The following ANKMY2 variants were observed in gnomAD, a reference collection of about 807,000 sequenced individuals.
The protein encoded by ANKMY2 is ankyrin repeat and MYND domain-containing protein 2.
Under a neutral mutation model 50.4 loss-of-function variants are expected in ANKMY2, and 36 were observed. The observed-to-expected ratio is 0.71, with a 90% CI of 0.55 to 0.94. ANKMY2 has a LOEUF of 0.94. Among genes scored for constraint, ANKMY2 ranks in the 40% least tolerant of loss-of-function variants. The pLI is 0.00. For synonymous variants in ANKMY2, 187 were observed against 178.8 expected (o/e 1.05, Z -0.36); for missense variants, 565 against 524.0 (o/e 1.08, Z -0.76).
intron 6 of ANKMY2, 98 bp from the exon 7 acceptor site, chr7:16,609,863 G>T: frequency 1.4e-6 from 2 of 1,404,922 alleles, no homozygotes; most frequent in Non-Finnish European, 1.9e-6. Context: ...TGTTACTTAT[G>T]ATTTTCTTTG....
At chr7:16,612,833 A>C (rs891494758) in intron 5 of ANKMY2, among the ~76,000 whole-genome samples, 3 of 152,224 alleles carry the variant, frequency 2.0e-5, no homozygotes, top group Non-Finnish European at 4.4e-5. Flanking sequence ...ATGAAGTAAT[A>C]TATTATAAAG....
intron 5 of ANKMY2, 106 bp from the exon 6 acceptor site, chr7:16,610,869 CT>C: frequency 1.1e-6 from 1 of 952,322 alleles, no homozygotes; most frequent in Non-Finnish European, 1.6e-6. Flanking sequence ...GAAAGCCTTC[CT>C]TAGGATCATG....
intron 5 of ANKMY2, among the ~76,000 whole-genome samples, chr7:16,614,330 A>G (rs1434729370): frequency 6.6e-6 from 1 of 152,210 alleles, no homozygotes; most frequent in Non-Finnish European, 1.5e-5. Flanking sequence ...TGCAGTTCAC[A>G]ACTGAATTTG....
At position 16,610,890 on chromosome 7, in the gene ANKMY2, T is replaced by C. The variant is rs1449214284; in HGVS notation, c.532-127A>G. ...CTTCCTTAGGATCATGAAGTTATTA[T>C]GTTATTTGTTAGAATGCAAATTACC... On this transcript the variant is annotated intron_variant, in intron 5 of 9. Coordinates refer to ENST00000306999, the MANE Select transcript of ANKMY2 (RefSeq NM_020319.3). 18 of 790,068 alleles carry C rather than the reference T, an allele frequency of 2.3e-5. No homozygotes were observed. In the South Asian group the frequency reaches 2.8e-4, roughly 12 times the overall value. The allele number at this position is 790,068 out of a possible 1,614,324, so 48.9% of individuals were successfully genotyped here.
chr7:16,645,468 C>T (rs375696024), intron 1 of ANKMY2, 39 bp downstream of exon 1: 2 of 1,576,688 alleles, frequency 1.3e-6, no homozygotes, highest in South Asian at 1.2e-5. Context: ...GCCCCCCGGC[C>T]AGGCTGGCCG....
At chr7:16,606,263 T>A (rs1047762390) in intron 7 of ANKMY2, among the ~76,000 whole-genome samples, 2 of 152,050 alleles carry the variant, frequency 1.3e-5, no homozygotes, top group African/African-American at 4.8e-5. Flanking sequence ...AAGCCCCGAC[T>A]CTACTGAAAA....
intron 8 of ANKMY2, among the ~76,000 whole-genome samples, chr7:16,603,151 G>A (rs1164951212): frequency 6.6e-6 from 1 of 152,148 alleles, no homozygotes; most frequent in East Asian, 1.9e-4. Flanking sequence ...AAAGACTTTA[G>A]CAAATAGCTT....
rs1781234564 is a variant in ANKMY2, at chr7:16,610,697, C to T, written c.598G>A (p.Val200Met). The T allele has an allele frequency of 1.9e-6, 3 of 1,613,840 alleles. No homozygotes were observed. The highest frequency in any genetic ancestry group is 1.7e-5 in the Admixed American group (1 of 60,006). ...CATTTCTCACAAATCAAATCCATCACTCTGTAGCATTTATTCAGGGCTGCT... is the reference window on the plus strand; with the variant it reads ...CATTTCTCACAAATCAAATCCATCATTCTGTAGCATTTATTCAGGGCTGCT... ...EEAALNKCYR[V>M]MDLICEKCMK... Residue 200 changes from valine to methionine, a missense_variant, in exon 6 of 10, where the codon GTG (valine) becomes ATG (methionine). Transcript: ENST00000306999.
At position 16,606,966 on chromosome 7, in the gene ANKMY2, T is replaced by C. The variant is rs58907118; in HGVS notation, c.883-2117A>G. 7.6e-3 allele frequency among the ~76,000 whole-genome samples: 1,160 copies of C among 152,256 alleles called. 18 individuals are homozygous for C. Among genetic ancestry groups the C allele is most frequent in the African/African-American group, 0.026 (1,091 of 41,548 alleles). ...AGCAGGAGGGCCCAGGCATTAGCACTGTCAGAAAACAACACAGTGAAGCTC... is the reference window on the plus strand; with the variant it reads ...AGCAGGAGGGCCCAGGCATTAGCACCGTCAGAAAACAACACAGTGAAGCTC... On this transcript the variant is annotated intron_variant, in intron 7 of 9. Transcript: ENST00000306999.
At chr7:16,603,867 C>A (rs1168493706) in intron 8 of ANKMY2, among the ~76,000 whole-genome samples, 1 of 152,188 alleles carries the variant, frequency 6.6e-6, no homozygotes, top group Non-Finnish European at 1.5e-5. Flanking sequence ...GCACAACTGC[C>A]CCAGCTGAGA....
intron 4 of ANKMY2, among the ~76,000 whole-genome samples, chr7:16,617,434 C>T (rs1358029812): frequency 6.6e-6 from 1 of 152,296 alleles, no homozygotes; most frequent in Non-Finnish European, 1.5e-5. Flanking sequence ...GTATGGGGAT[C>T]CAGCAATTCT....
At chr7:16,613,181 C>G (rs1257118493) in intron 5 of ANKMY2, among the ~76,000 whole-genome samples, 1 of 152,158 alleles carries the variant, frequency 6.6e-6, no homozygotes, top group African/African-American at 2.4e-5. Context: ...CTCCAAATCC[C>G]TTTTGAAAAC....
At chr7:16,619,953 T>A (rs1251031903) in intron 4 of ANKMY2, among the ~76,000 whole-genome samples, 2 of 152,218 alleles carry the variant, frequency 1.3e-5, no homozygotes, top group Non-Finnish European at 2.9e-5. Context: ...GAATTCTCAT[T>A]TGCAAAACCA....
chr7:16,644,096 G>T (rs1055850751), intron 1 of ANKMY2, among the ~76,000 whole-genome samples: 3 of 152,176 alleles, frequency 2.0e-5, no homozygotes, highest in African/African-American at 7.2e-5. Context: ...CTGGTGGATT[G>T]TGAATTGATC....
intron 2 of ANKMY2, among the ~76,000 whole-genome samples, chr7:16,633,175 A>C (rs1463484447): frequency 1.4e-5 from 2 of 145,214 alleles, no homozygotes; most frequent in African/African-American, 2.6e-5. Flanking sequence ...TAATTTATAA[A>C]ATTTTTCTCC....
chr7:16,644,817 G>T, intron 1 of ANKMY2: 2 of 438,752 alleles, frequency 4.6e-6, no homozygotes, highest in South Asian at 1.6e-5. Flanking sequence ...GCACGCCTTG[G>T]GGGAGTGGAC....
chr7:16,645,364 G>A, intron 1 of ANKMY2, 143 bp downstream of exon 1: 1 of 800,758 alleles, frequency 1.2e-6, no homozygotes, highest in Non-Finnish European at 1.9e-6. Context: ...CCAGACCAAA[G>A]GGAGAAACGC....
intron 2 of ANKMY2, among the ~76,000 whole-genome samples, chr7:16,632,648 T>C (rs75530678): frequency 0.02 from 3,027 of 152,366 alleles, 105 homozygotes; most frequent in East Asian, 0.13. Flanking sequence ...TGTTGATGTA[T>C]TCATCAGTTG....
chr7:16,621,310 G>C (rs543042438), intron 4 of ANKMY2, among the ~76,000 whole-genome samples: 2 of 152,272 alleles, frequency 1.3e-5, no homozygotes, highest in South Asian at 4.1e-4. Flanking sequence ...CCAAAAGTCA[G>C]TCCCCTCCCC....
Sources: gnomAD v4.1 joint callset for allele counts (sites outside exome capture counted in the v4.1 genomes callset) on GRCh38, gnomAD v4.1.1 for gene constraint, MANE v1.5 for transcripts, NCBI Gene and HGNC (gene_info 2026-07-23, HGNC 2026-07-21) for gene names.